The following PADI1 variants were observed in gnomAD, a reference collection of about 807,000 sequenced individuals.
PADI1 encodes peptidyl arginine deiminase 1.
A neutral mutation model predicts 74.8 loss-of-function variants in PADI1; 65 were observed. The ratio of observed to expected loss-of-function variants is 0.87; its 90% CI spans 0.71 to 1.07. PADI1 has a LOEUF of 1.07. Ranked by LOEUF, PADI1 falls within the 50% of genes least tolerant of loss-of-function variation. PADI1 has a pLI of 0.00. For synonymous variants in PADI1, 371 were observed against 336.2 expected (o/e 1.10, Z -1.13); for missense variants, 943 against 854.0 (o/e 1.10, Z -1.30).
At chr1:17,239,865 A>G in intron 14 of PADI1, 82 bp downstream of exon 14, 1 of 1,145,278 alleles carries the variant, frequency 8.7e-7, no homozygotes, top group East Asian at 2.5e-5. Context: ...GTTGGGTCAG[A>G]GATTCAGCGC....
chr1:17,225,553 C>T (rs750402888), intron 4 of PADI1, among the ~76,000 whole-genome samples: 1 of 152,008 alleles, frequency 6.6e-6, no homozygotes, highest in Admixed American at 6.5e-5. Flanking sequence ...GTGGTAATGA[C>T]ACCTTTGCTT....
intron 8 of PADI1, among the ~76,000 whole-genome samples, chr1:17,229,356 C>T (rs2072421640): frequency 6.6e-6 from 1 of 152,228 alleles, no homozygotes; most frequent in African/African-American, 2.4e-5. Flanking sequence ...TGGAGCCAGG[C>T]CCTGCACAGG....
chr1:17,217,566 A>G (rs1165339567), intron 1 of PADI1, among the ~76,000 whole-genome samples: 1 of 152,254 alleles, frequency 6.6e-6, no homozygotes, highest in African/African-American at 2.4e-5. Flanking sequence ...AAAATTAAAT[A>G]TACACACAAT....
At chr1:17,243,913 C>T (rs2072826817) in intron 15 of PADI1, 97 bp from the exon 16 acceptor site, 1 of 826,782 alleles carries the variant, frequency 1.2e-6, no homozygotes, top group East Asian at 2.7e-5. Context: ...ATGGCCAACC[C>T]ATTCCCCAGG....
chr1:17,241,122 G>A (rs985918235), intron 15 of PADI1, among the ~76,000 whole-genome samples: 2 of 152,188 alleles, frequency 1.3e-5, no homozygotes, highest in Middle Eastern at 3.2e-3. Flanking sequence ...TCTGTCTCTG[G>A]GTCTCAGCTG....
intron 1 of PADI1, among the ~76,000 whole-genome samples, chr1:17,212,263 T>C (rs1184213551): frequency 6.6e-6 from 1 of 152,180 alleles, no homozygotes; most frequent in African/African-American, 2.4e-5. Context: ...CTGGCACCTG[T>C]GGGGCTCCTG....
intron 1 of PADI1, among the ~76,000 whole-genome samples, chr1:17,207,427 G>A (rs1007057491): frequency 1.3e-5 from 2 of 152,226 alleles, no homozygotes; most frequent in Non-Finnish European, 2.9e-5. Context: ...TGAAAATGAA[G>A]AAACAATATA....
chr1:17,221,637 G>C (rs538961354), intron 1 of PADI1, among the ~76,000 whole-genome samples: 367 of 152,248 alleles, frequency 2.4e-3, no homozygotes, highest in Middle Eastern at 6.8e-3. Flanking sequence ...AAGGAGACTT[G>C]TGGACATCTT....
In PADI1 at chr1:17,226,158, G is replaced by T. The variant is rs748411451; in HGVS notation, c.652G>T (p.Gly218Cys). 2 of 1,614,056 alleles carry T rather than the reference G, an allele frequency of 1.2e-6. No homozygotes were observed. Among genetic ancestry groups the T allele is most frequent in the South Asian group, 1.1e-5 (1 of 91,060 alleles). Residue 218 changes from glycine (G) to cysteine (C), a missense_variant and splice_region_variant, in exon 6 of 16, where the codon GGT (glycine) becomes TGT (cysteine). Transcript: ENST00000375471. ...AAGAGTGAGGGTCTTCTGTGCCAGG[G>T]GTGAGTGGCCTGATGGGGCCTTTTC... is the stretch of plus-strand genomic sequence containing the variant. ...SKRVRVFCAR[G>C]GNSLSDYKQV...
At chr1:17,213,683 G>A (rs982826011) in intron 1 of PADI1, among the ~76,000 whole-genome samples, 4 of 152,138 alleles carry the variant, frequency 2.6e-5, no homozygotes, top group Non-Finnish European at 4.4e-5. Flanking sequence ...AGCTAAGCAC[G>A]TGCCTGGCAC....
At chr1:17,209,163 A>C (rs1459755548) in intron 1 of PADI1, among the ~76,000 whole-genome samples, 5 of 152,228 alleles carry the variant, frequency 3.3e-5, no homozygotes, top group Admixed American at 3.3e-4. Context: ...TTTAACTCGC[A>C]CAGAAGAACA....
At chr1:17,232,432 A>G (rs2072513838) in intron 10 of PADI1, among the ~76,000 whole-genome samples, 1 of 151,894 alleles carries the variant, frequency 6.6e-6, no homozygotes, top group African/African-American at 2.4e-5. Flanking sequence ...AGCTCTGACA[A>G]CTCCCTAGCA....
intron 15 of PADI1, 66 bp from the exon 16 acceptor site, chr1:17,243,944 G>A: frequency 8.8e-7 from 1 of 1,136,436 alleles, no homozygotes; most frequent in Non-Finnish European, 1.3e-6. Flanking sequence ...TTCTGGCAAG[G>A]AAGGGGTGCC....
chr1:17,241,382 C>T (rs2100533152), intron 15 of PADI1, among the ~76,000 whole-genome samples: 1 of 152,374 alleles, frequency 6.6e-6, no homozygotes, highest in East Asian at 1.9e-4. Context: ...GATGGTCCCC[C>T]GGGATGGGGA....
chr1:17,244,248 G>T lies in PADI1; in HGVS notation c.*5G>T, dbSNP rs2100539594. On this transcript the variant is annotated 3_prime_UTR_variant, in exon 16 of 16. Coordinates refer to ENST00000375471, the MANE Select transcript of PADI1 (RefSeq NM_013358.3). ...TGGTGGAACATGGTGCCCTGAGCCT[G>T]CCCCCACCCGCCATCCTCTCTGCCC... The T allele has an allele frequency of 6.2e-7, 1 of 1,602,810 alleles. No homozygotes were observed. The highest frequency in any genetic ancestry group is 2.2e-5 in the East Asian group (1 of 44,834).
chr1:17,207,016 T>C (rs1420716397), intron 1 of PADI1, among the ~76,000 whole-genome samples: 1 of 152,138 alleles, frequency 6.6e-6, no homozygotes, highest in Non-Finnish European at 1.5e-5. Context: ...TCCCACATTG[T>C]ATCTGGGAAT....
intron 6 of PADI1, among the ~76,000 whole-genome samples, chr1:17,227,530 CAAATAAAT>C (rs56966982): frequency 0.12 from 16,662 of 138,166 alleles, 1,422 homozygotes; most frequent in Admixed American, 0.27. Context: ...GACCCTGTCT[CAAATAAAT>C]AAATAAATAA....
At chr1:17,228,581 T>A (rs1181360918) in intron 6 of PADI1, 44 bp from the exon 7 acceptor site, 1 of 1,605,470 alleles carries the variant, frequency 6.2e-7, no homozygotes, top group Non-Finnish European at 8.5e-7. Context: ...TTGCAGCCCC[T>A]CACCCCTGTC....
chr1:17,235,881 TCC>T (rs1013756993), intron 11 of PADI1, among the ~76,000 whole-genome samples: 15 of 152,256 alleles, frequency 9.9e-5, no homozygotes, highest in Middle Eastern at 6.8e-3. Flanking sequence ...CTCTGGGAAC[TCC>T]CAGGCACAGA....
Sources: gnomAD v4.1 joint callset for allele counts (sites outside exome capture counted in the v4.1 genomes callset) on GRCh38, gnomAD v4.1.1 for gene constraint, MANE v1.5 for transcripts, NCBI Gene and HGNC (gene_info 2026-07-23, HGNC 2026-07-21) for gene names.